The following HSD17B12 variants were observed in gnomAD, a reference collection of about 807,000 sequenced individuals.
The protein encoded by HSD17B12 is hydroxysteroid 17-beta dehydrogenase 12.
Under a neutral mutation model 39.3 loss-of-function variants are expected in HSD17B12, and 32 were observed. The observed-to-expected ratio is 0.81, with a 90% CI of 0.61 to 1.09. HSD17B12 has a LOEUF of 1.09. Among genes scored for constraint, HSD17B12 ranks in the 50% least tolerant of loss-of-function variants. The probability of loss-of-function intolerance (pLI) is 0.00; values close to 1 mark genes in which losing one functional copy is unlikely to be tolerated. For synonymous variants in HSD17B12, 150 were observed against 146.7 expected, an observed-to-expected ratio of 1.02 and a Z score of -0.16; for missense variants, 342 against 382.9, an observed-to-expected ratio of 0.89 and a Z score of 0.89.
chr11:43,758,276 C>T (rs1414719300), intron 3 of HSD17B12, among the ~76,000 whole-genome samples: 2 of 152,074 alleles, frequency 1.3e-5, no homozygotes, highest in Non-Finnish European at 2.9e-5. Flanking sequence ...GGAAACTGCC[C>T]TTACTGTTGT....
At chr11:43,561,134 A>T in the HSD17B12 span, among the ~76,000 whole-genome samples, 5 of 152,112 alleles carry the variant, frequency 3.3e-5, no homozygotes, top group Non-Finnish European at 5.9e-5. Context: ...CACCACTTTC[A>T]AGCTTGGTCC....
At chr11:43,753,395 T>A (rs1280779219) in intron 2 of HSD17B12, among the ~76,000 whole-genome samples, 1 of 146,704 alleles carries the variant, frequency 6.8e-6, no homozygotes, top group African/African-American at 2.5e-5. Context: ...TTTTTTTTTT[T>A]TTTTTTTGAG....
the HSD17B12 span, among the ~76,000 whole-genome samples, chr11:43,654,635 C>T: frequency 6.6e-6 from 1 of 152,054 alleles, no homozygotes; most frequent in African/African-American, 2.4e-5. Flanking sequence ...TTTCCCAGCA[C>T]CATTTATTAA....
chr11:43,607,828 G>A, the HSD17B12 span, among the ~76,000 whole-genome samples: 3 of 152,204 alleles, frequency 2.0e-5, no homozygotes, highest in African/African-American at 7.2e-5. Context: ...AGTTAGGAGT[G>A]ACATTGATGG....
At chr11:43,599,039 ATCTG>A in the HSD17B12 span, among the ~76,000 whole-genome samples, 1 of 152,180 alleles carries the variant, frequency 6.6e-6, no homozygotes, top group East Asian at 1.9e-4. Context: ...GTTAAATAGA[ATCTG>A]TCTGTTAGTA....
the HSD17B12 span, among the ~76,000 whole-genome samples, chr11:43,629,869 A>G: frequency 6.6e-6 from 1 of 152,212 alleles, no homozygotes; most frequent in Non-Finnish European, 1.5e-5. Context: ...AACTATTTGT[A>G]TTTAGTTTGA....
intron 1 of HSD17B12, among the ~76,000 whole-genome samples, chr11:43,704,584 G>A (rs1334262717): frequency 1.3e-5 from 2 of 152,304 alleles, no homozygotes; most frequent in African/African-American, 2.4e-5. Flanking sequence ...GTAATCATAT[G>A]CTTCAGGAAA....
the HSD17B12 span, among the ~76,000 whole-genome samples, chr11:43,630,353 G>C: frequency 6.6e-6 from 1 of 152,152 alleles, no homozygotes; most frequent in East Asian, 1.9e-4. Flanking sequence ...TGTGTTTCAG[G>C]ATGATCATTG....
chr11:43,712,169 C>T (rs1384894303), intron 1 of HSD17B12, among the ~76,000 whole-genome samples: 1 of 152,174 alleles, frequency 6.6e-6, no homozygotes, highest in East Asian at 1.9e-4. Context: ...TGGCTCATGC[C>T]TCTAATCCCA....
chr11:43,612,472 ATAGTCT>A, the HSD17B12 span, among the ~76,000 whole-genome samples: 1 of 152,242 alleles, frequency 6.6e-6, no homozygotes, highest in Non-Finnish European at 1.5e-5. Context: ...CAAGATATAT[ATAGTCT>A]GTCAGAGTGG....
intron 3 of HSD17B12, among the ~76,000 whole-genome samples, chr11:43,769,116 T>C (rs551332718): frequency 4.6e-5 from 7 of 152,266 alleles, no homozygotes; most frequent in Admixed American, 4.6e-4. Flanking sequence ...ATTTTTGTAT[T>C]TTTAGGAGAC....
chr11:43,755,721 C>G (rs955293635), intron 3 of HSD17B12, among the ~76,000 whole-genome samples: 3 of 152,126 alleles, frequency 2.0e-5, no homozygotes, highest in African/African-American at 4.8e-5. Flanking sequence ...TTGATTCTTC[C>G]AACATACTTA....
intron 3 of HSD17B12, among the ~76,000 whole-genome samples, chr11:43,774,434 C>T (rs780274249): frequency 6.6e-6 from 1 of 151,970 alleles, no homozygotes; most frequent in Non-Finnish European, 1.5e-5. Flanking sequence ...AGGATGGTCT[C>T]GATCTCCTGA....
At chr11:43,775,748 T>TC (rs1950695939) in intron 3 of HSD17B12, among the ~76,000 whole-genome samples, 1 of 141,472 alleles carries the variant, frequency 7.1e-6, no homozygotes, top group South Asian at 2.5e-4. Flanking sequence ...CCCAATGCTA[T>TC]CCCTCCCCCC....
At chr11:43,639,308 G>A in the HSD17B12 span, among the ~76,000 whole-genome samples, 2 of 152,178 alleles carry the variant, frequency 1.3e-5, no homozygotes, top group Non-Finnish European at 2.9e-5. Flanking sequence ...TGGGAGAAAG[G>A]CTTCAGGAAA....
chr11:43,764,006 T>G (rs1273137833), intron 3 of HSD17B12, among the ~76,000 whole-genome samples: 1 of 152,072 alleles, frequency 6.6e-6, no homozygotes, highest in Non-Finnish European at 1.5e-5. Context: ...TTTAAATGAT[T>G]TGGGGAATGT....
chr11:43,848,628 A>G (rs928639403), intron 9 of HSD17B12: 3 of 152,238 alleles, frequency 2.0e-5, no homozygotes, highest in Non-Finnish European at 4.4e-5. Context: ...TGATAGTATA[A>G]TAAGGAAGAT....
the HSD17B12 span, among the ~76,000 whole-genome samples, chr11:43,613,051 A>C: frequency 1.3e-5 from 2 of 152,150 alleles, no homozygotes; most frequent in Admixed American, 1.3e-4. Flanking sequence ...AGCCCCAGTC[A>C]AGAATTTGGT....
At chr11:43,668,365 G>A in the HSD17B12 span, among the ~76,000 whole-genome samples, 1 of 152,124 alleles carries the variant, frequency 6.6e-6, no homozygotes, top group South Asian at 2.1e-4. Flanking sequence ...TTTGACCAAA[G>A]CTGGGAAAGA....
Sources: allele counts gnomAD v4.1 joint callset (sites outside exome capture counted in the v4.1 genomes callset), GRCh38; gene constraint gnomAD v4.1.1; transcripts MANE v1.5; gene names NCBI Gene and HGNC (gene_info 2026-07-23, HGNC 2026-07-21).